ANKRD13C: variants seen among roughly 807,000 people sequenced by gnomAD.
ANKRD13C encodes the protein ankyrin repeat domain 13C, also known as ankyrin repeat domain-containing protein 13C.
Under a neutral mutation model 65.5 loss-of-function variants are expected in ANKRD13C, and 16 were observed. That is an observed-to-expected ratio of 0.24 (90% CI 0.17 to 0.37). ANKRD13C has a LOEUF of 0.37. Ranked by LOEUF, ANKRD13C falls within the 10% of genes least tolerant of loss-of-function variation. ANKRD13C has a pLI of 1.00. For missense variants in ANKRD13C, 503 were observed against 655.9 expected, an observed-to-expected ratio of 0.77 and a Z score of 2.55; for synonymous variants, 235 against 238.7, an observed-to-expected ratio of 0.98 and a Z score of 0.14.
chr1:70,270,074 A>C (rs1678811727), intron 12 of ANKRD13C, among the ~76,000 whole-genome samples: 1 of 152,220 alleles, frequency 6.6e-6, no homozygotes, highest in Non-Finnish European at 1.5e-5. Flanking sequence ...ACTATTTCTA[A>C]AGATCATTGC....
intron 1 of ANKRD13C, among the ~76,000 whole-genome samples, chr1:70,351,384 C>CATTT (rs1409631538): frequency 2.0e-5 from 3 of 152,138 alleles, no homozygotes; most frequent in Non-Finnish European, 4.4e-5. Context: ...GAATATACAT[C>CATTT]ATTTATTTAT....
Position 70,354,486 on chromosome 1 carries a change from G to T in ANKRD13C, c.-78C>A. ...AGCTGGCGCTGCGGCGGCACAAGGC[G>T]ATTAGAGCGGTGGCCAAGAGCCTCC... On this transcript the variant is annotated 5_prime_UTR_variant, in exon 1 of 13. Transcript: ENST00000370944. 3 of 1,500,462 alleles carry T rather than the reference G, an allele frequency of 2.0e-6. No homozygotes were observed. Among genetic ancestry groups the T allele is most frequent in the Non-Finnish European group, 2.7e-6 (3 of 1,128,168 alleles). The allele number at this position is 1,500,462 out of a possible 1,614,324, so 92.9% of individuals were successfully genotyped here.
intron 6 of ANKRD13C, among the ~76,000 whole-genome samples, chr1:70,302,525 G>C (rs1680409436): frequency 7.0e-6 from 1 of 143,432 alleles, no homozygotes; most frequent in Non-Finnish European, 1.5e-5. Flanking sequence ...AGGAGATCGA[G>C]ACCATCCCGG....
chr1:70,267,301 G>A (rs542242728), intron 12 of ANKRD13C, among the ~76,000 whole-genome samples: 15 of 151,944 alleles, frequency 9.9e-5, no homozygotes, highest in African/African-American at 2.9e-4. Context: ...ACTTCTAATC[G>A]GCCTATATCA....
At chr1:70,269,239 T>C (rs1351245622) in intron 12 of ANKRD13C, among the ~76,000 whole-genome samples, 4 of 152,152 alleles carry the variant, frequency 2.6e-5, no homozygotes, top group Non-Finnish European at 4.4e-5. Flanking sequence ...TATTATTCCT[T>C]GTTAAAAATG....
intron 12 of ANKRD13C, among the ~76,000 whole-genome samples, chr1:70,265,288 A>G (rs1455219745): frequency 6.6e-6 from 1 of 151,072 alleles, no homozygotes; most frequent in Non-Finnish European, 1.5e-5. Flanking sequence ...AAACCAAGAG[A>G]GAGTCTATCA....
chr1:70,334,487 C>T (rs1180144910), intron 2 of ANKRD13C, among the ~76,000 whole-genome samples: 3 of 151,098 alleles, frequency 2.0e-5, no homozygotes, highest in Non-Finnish European at 4.4e-5. Context: ...ATTAGCCGGG[C>T]ATGGTGGCAT....
intron 3 of ANKRD13C, among the ~76,000 whole-genome samples, 156 bp from the exon 4 acceptor site, chr1:70,315,722 AT>A (rs1033090471): frequency 6.6e-6 from 1 of 152,182 alleles, no homozygotes; most frequent in Non-Finnish European, 1.5e-5. Flanking sequence ...TCTACAATAT[AT>A]TTTGAAAGGC....
intron 9 of ANKRD13C, among the ~76,000 whole-genome samples, chr1:70,282,304 C>T (rs986506849): frequency 3.3e-5 from 5 of 151,880 alleles, no homozygotes; most frequent in Non-Finnish European, 7.4e-5. Context: ...ATTTGCCCGC[C>T]TCAGCCTCCC....
chr1:70,270,079 C>A (rs927803394), intron 12 of ANKRD13C, among the ~76,000 whole-genome samples: 5 of 152,124 alleles, frequency 3.3e-5, no homozygotes, highest in Non-Finnish European at 1.5e-5. Flanking sequence ...TTCTAAAGAT[C>A]ATTGCTTAAG....
intron 9 of ANKRD13C, among the ~76,000 whole-genome samples, chr1:70,279,445 T>C (rs147838402): frequency 0.011 from 1,712 of 152,012 alleles, 34 homozygotes; most frequent in African/African-American, 0.04. Flanking sequence ...ATAAATTTAT[T>C]GTTCTTTGTT....
At position 70,354,305 on chromosome 1, in the gene ANKRD13C, C is replaced by G. The variant is rs760284373; in HGVS notation, c.104G>C (p.Gly35Ala). 6 of 1,613,914 alleles carry G rather than the reference C, an allele frequency of 3.7e-6. No homozygotes were observed. The highest frequency in any genetic ancestry group is 4.2e-6 in the Non-Finnish European group (5 of 1,179,988). Residue 35 changes from glycine (G) to alanine (A), a missense_variant, in exon 1 of 13, where the codon GGC (glycine) becomes GCC (alanine). Coordinates refer to ENST00000370944, the MANE Select transcript of ANKRD13C (RefSeq NM_030816.5). Reference protein sequence around the residue: ...PGDEEAAAALGGTFTRSRIGK... With the variant: ...PGDEEAAAALAGTFTRSRIGK... Reference sequence around the variant, plus strand: ...AATCCTGCTTCTGGTAAAGGTACCGCCGAGGGCAGCCGCCGCTTCCTCATC... The same window carrying G: ...AATCCTGCTTCTGGTAAAGGTACCGGCGAGGGCAGCCGCCGCTTCCTCATC...
intron 3 of ANKRD13C, among the ~76,000 whole-genome samples, chr1:70,316,664 CAG>C (rs1377463217): frequency 1.3e-5 from 2 of 152,034 alleles, no homozygotes; most frequent in Non-Finnish European, 1.5e-5. Context: ...GCCTGGGTGA[CAG>C]AGCAAGACAC....
chr1:70,310,672 T>C (rs1453889206), intron 5 of ANKRD13C, among the ~76,000 whole-genome samples: 1 of 152,220 alleles, frequency 6.6e-6, no homozygotes, highest in Non-Finnish European at 1.5e-5. Context: ...AAATATTTTA[T>C]AACATTTTGT....
At chr1:70,340,390 G>C (rs891180940) in intron 1 of ANKRD13C, among the ~76,000 whole-genome samples, 2 of 152,018 alleles carry the variant, frequency 1.3e-5, no homozygotes, top group African/African-American at 4.8e-5. Flanking sequence ...TCTGCATTGC[G>C]ATCAGAGAAC....
At chr1:70,264,357 T>C (rs1055971643) in intron 12 of ANKRD13C, among the ~76,000 whole-genome samples, 1 of 150,634 alleles carries the variant, frequency 6.6e-6, no homozygotes, top group Non-Finnish European at 1.5e-5. Context: ...GTGCCTATAA[T>C]CCCAGCTACT....
chr1:70,331,201 TAAA>T (rs1226667787), intron 2 of ANKRD13C, among the ~76,000 whole-genome samples: 1 of 152,116 alleles, frequency 6.6e-6, no homozygotes, highest in Non-Finnish European at 1.5e-5. Flanking sequence ...CAGTGTATCT[TAAA>T]AGAAGATAAA....
At chr1:70,305,016 G>A (rs1302761177) in intron 6 of ANKRD13C, among the ~76,000 whole-genome samples, 1 of 152,008 alleles carries the variant, frequency 6.6e-6, no homozygotes, top group Non-Finnish European at 1.5e-5. Context: ...CCAGCACTTT[G>A]CGAGGCCAAG....
intron 11 of ANKRD13C, 63 bp from the exon 12 acceptor site, chr1:70,271,019 T>C: frequency 1.0e-6 from 1 of 990,006 alleles, no homozygotes; most frequent in East Asian, 2.5e-5. Flanking sequence ...CCTTATGCTT[T>C]TCAACTACAT....
Sources: allele counts gnomAD v4.1 joint callset (sites outside exome capture counted in the v4.1 genomes callset), GRCh38; gene constraint gnomAD v4.1.1; transcripts MANE v1.5; gene names NCBI Gene and HGNC (gene_info 2026-07-23, HGNC 2026-07-21).